Variants in ROBO1 observed in about 807,000 individuals in gnomAD.
ROBO1 encodes the protein roundabout homolog 1.
ROBO1 carries 149 observed loss-of-function variants against 195.9 expected under a neutral mutation model. The observed-to-expected ratio is 0.76, with a 90% CI of 0.67 to 0.87. The LOEUF is 0.87. ROBO1 is among the 40% of genes least tolerant of loss of function. The pLI, the probability that ROBO1 is intolerant of heterozygous loss-of-function variation, is 0.00. For missense variants in ROBO1, 1,933 were observed against 2,068.3 expected (o/e 0.93, Z 1.27); for synonymous variants, 816 against 733.2 (o/e 1.11, Z -1.82).
At chr3:79,209,516 C>T (rs1294038252) in intron 2 of ROBO1, among the ~76,000 whole-genome samples, 4 of 151,992 alleles carry the variant, frequency 2.6e-5, no homozygotes, top group South Asian at 2.1e-4. Context: ...TGGGTAGCTA[C>T]CCAGCAGTGG....
In ROBO1 at chr3:79,075,430, C is replaced by T. The variant is rs1576643942; in HGVS notation, c.172+50026G>A. Among the ~76,000 whole-genome samples the T allele has an allele frequency of 2.0e-5, 3 of 151,876 alleles. No homozygotes were observed. In the East Asian group the frequency reaches 5.8e-4, roughly 29 times the overall value. On this transcript the variant is annotated intron_variant, in intron 3 of 30. Transcript: ENST00000464233. ...CGGCTTGGAGAAATTTGATTACATG[C>T]AAAGTAGTAACAAAATATGTATTTT...
At chr3:79,147,247 A>G (rs560277089) in intron 2 of ROBO1, among the ~76,000 whole-genome samples, 6 of 152,104 alleles carry the variant, frequency 3.9e-5, no homozygotes, top group Admixed American at 1.3e-4. Flanking sequence ...TTGAATTTCC[A>G]TTTGTGCCTG....
intron 3 of ROBO1, among the ~76,000 whole-genome samples, chr3:79,050,243 C>T (rs1559621009): frequency 6.6e-6 from 1 of 152,044 alleles, no homozygotes; most frequent in Non-Finnish European, 1.5e-5. Context: ...GCAGGGGTTG[C>T]AATCCTAGTC....
chr3:78,819,337 T>C (rs770551974), intron 4 of ROBO1, among the ~76,000 whole-genome samples: 3 of 152,050 alleles, frequency 2.0e-5, no homozygotes, highest in Non-Finnish European at 4.4e-5. Context: ...ACTTCATTTC[T>C]AACTTGTGTC....
At chr3:79,550,293 T>A (rs1207075583) in intron 2 of ROBO1, among the ~76,000 whole-genome samples, 1 of 152,084 alleles carries the variant, frequency 6.6e-6, no homozygotes, top group Admixed American at 6.6e-5. Flanking sequence ...TTCTCTCATT[T>A]TTATAAGAAG....
At chr3:79,309,885 G>A (rs1312785191) in intron 2 of ROBO1, among the ~76,000 whole-genome samples, 1 of 152,136 alleles carries the variant, frequency 6.6e-6, no homozygotes, top group Admixed American at 6.6e-5. Context: ...CAACATAATA[G>A]TAGAAATAAA....
chr3:79,326,788 G>A (rs2034231555), intron 2 of ROBO1, among the ~76,000 whole-genome samples: 2 of 152,122 alleles, frequency 1.3e-5, no homozygotes, highest in African/African-American at 2.4e-5. Flanking sequence ...TCTTTTTTAA[G>A]ATTATTGCGT....
intron 2 of ROBO1, among the ~76,000 whole-genome samples, chr3:79,172,248 A>C (rs2081180885): frequency 6.6e-6 from 1 of 152,204 alleles, no homozygotes; most frequent in African/African-American, 2.4e-5. Flanking sequence ...TTTTGATTCT[A>C]AATGTGTTTT....
chr3:79,703,897 T>C (rs955511409), intron 1 of ROBO1, among the ~76,000 whole-genome samples: 2 of 151,872 alleles, frequency 1.3e-5, no homozygotes, highest in African/African-American at 4.8e-5. Context: ...CCAAAGAGAG[T>C]CTTTGATGAA....
chr3:79,401,943 T>G (rs147471423), intron 2 of ROBO1, among the ~76,000 whole-genome samples: 11 of 152,038 alleles, frequency 7.2e-5, no homozygotes, highest in African/African-American at 2.6e-4. Context: ...GAAACAATAC[T>G]TCATGGTTAC....
Position 78,636,097 on chromosome 3 carries a change from C to T in ROBO1, c.3049G>A (p.Ala1017Thr). Residue 1017 changes from alanine (A) to threonine (T), a missense_variant, in exon 23 of 31, where the codon GCA becomes ACA. Coordinates refer to ENST00000464233, the MANE Select transcript of ROBO1 (RefSeq NM_002941.4). Reference protein sequence around the residue: ...TTYSRPADCIANYNNQLDNKQ... With the variant: ...TTYSRPADCITNYNNQLDNKQ... ...TTATCCAGTTGGTTGTTATAATTTG[C>T]TATACAATCAGCTATGTGCAATGGA... 6.2e-7 allele frequency: 1 copy of T among 1,610,162 alleles called. No homozygotes were observed. The highest frequency in any genetic ancestry group is 8.5e-7 in the Non-Finnish European group (1 of 1,177,116).
chr3:78,983,214 G>A (rs752364398), intron 3 of ROBO1, among the ~76,000 whole-genome samples: 39 of 152,160 alleles, frequency 2.6e-4, no homozygotes, highest in Non-Finnish European at 4.4e-4. Flanking sequence ...TGTGCTAATC[G>A]CAGCTATCTA....
chr3:78,867,384 CTGCAGAG>C (rs376869584), intron 4 of ROBO1, among the ~76,000 whole-genome samples: 10 of 152,304 alleles, frequency 6.6e-5, no homozygotes, highest in African/African-American at 2.4e-4. Flanking sequence ...ATTTTGTCAC[CTGCAGAG>C]GACTAAAAAG....
intron 3 of ROBO1, among the ~76,000 whole-genome samples, chr3:78,948,432 G>C (rs551599781): frequency 9.2e-5 from 14 of 152,266 alleles, no homozygotes; most frequent in African/African-American, 3.4e-4. Flanking sequence ...TATCTCAATA[G>C]ATGCAGAAAA....
intron 2 of ROBO1, among the ~76,000 whole-genome samples, chr3:79,233,035 T>C (rs142900785): frequency 0.02 from 3,053 of 152,142 alleles, 57 homozygotes; most frequent in Middle Eastern, 0.024. Flanking sequence ...ATGACTTTGT[T>C]TTAATAAAAT....
At chr3:78,992,167 G>A (rs1251085516) in intron 3 of ROBO1, among the ~76,000 whole-genome samples, 3 of 152,144 alleles carry the variant, frequency 2.0e-5, no homozygotes, top group Admixed American at 6.6e-5. Flanking sequence ...AGAACGTGGT[G>A]CCATATGCCT....
chr3:79,115,112 T>A (rs997037762), intron 3 of ROBO1, among the ~76,000 whole-genome samples: 1 of 152,148 alleles, frequency 6.6e-6, no homozygotes, highest in African/African-American at 2.4e-5. Context: ...AAACCCAAAT[T>A]TTCCCCAAAT....
At chr3:78,798,206 C>T (rs2084244142) in intron 4 of ROBO1, among the ~76,000 whole-genome samples, 1 of 152,104 alleles carries the variant, frequency 6.6e-6, no homozygotes, top group East Asian at 1.9e-4. Context: ...AGTGTATTAT[C>T]ATTTCAGTAA....
chr3:79,350,216 C>G (rs542550390), intron 2 of ROBO1, among the ~76,000 whole-genome samples: 1 of 152,082 alleles, frequency 6.6e-6, no homozygotes, highest in South Asian at 2.1e-4. Context: ...CATTAGTGAT[C>G]AAGGAAATGC....
Sources: allele counts gnomAD v4.1 joint callset (sites outside exome capture counted in the v4.1 genomes callset), GRCh38; gene constraint gnomAD v4.1.1; transcripts MANE v1.5; gene names NCBI Gene and HGNC (gene_info 2026-07-23, HGNC 2026-07-21).